SMYD3: variants seen among roughly 807,000 people sequenced by gnomAD.
SMYD3 encodes the protein histone-lysine N-methyltransferase SMYD3.
SMYD3 carries 36 observed loss-of-function variants against 57.7 expected under a neutral mutation model. The observed-to-expected ratio is 0.62, with a 90% CI of 0.48 to 0.82. SMYD3 has a LOEUF of 0.82. SMYD3 is among the 40% of genes least tolerant of loss of function. The probability of loss-of-function intolerance (pLI) is 0.00; values close to 1 mark genes in which losing one functional copy is unlikely to be tolerated. For synonymous variants in SMYD3, 211 were observed against 195.0 expected, an observed-to-expected ratio of 1.08 and a Z score of -0.68; for missense variants, 515 against 538.8, an observed-to-expected ratio of 0.96 and a Z score of 0.44.
intron 8 of SMYD3, among the ~76,000 whole-genome samples, chr1:245,877,971 C>T (rs940519603): frequency 3.3e-5 from 5 of 152,028 alleles, no homozygotes; most frequent in Admixed American, 2.0e-4. Flanking sequence ...AGGGGCAAAG[C>T]GGAGAAGTAA....
At chr1:245,791,875 T>C (rs34460545) in intron 10 of SMYD3, among the ~76,000 whole-genome samples, 21,091 of 152,012 alleles carry the variant, frequency 0.14, 1,737 homozygotes, top group East Asian at 0.22. Context: ...TCTCCTCTCA[T>C]GCTTTCTGGT....
chr1:246,059,388 G>A (rs2060211453), intron 5 of SMYD3, among the ~76,000 whole-genome samples: 1 of 152,018 alleles, frequency 6.6e-6, no homozygotes. Flanking sequence ...TATACTAACA[G>A]AAGAACTATT....
chr1:246,031,660 C>T (rs1018085862), intron 5 of SMYD3, among the ~76,000 whole-genome samples: 1 of 150,588 alleles, frequency 6.6e-6, no homozygotes, highest in Non-Finnish European at 1.5e-5. Flanking sequence ...TCGCTTGAAC[C>T]AGGGAGGCGG....
chr1:245,796,905 A>G (rs2047546128), intron 10 of SMYD3, among the ~76,000 whole-genome samples: 1 of 152,166 alleles, frequency 6.6e-6, no homozygotes, highest in African/African-American at 2.4e-5. Context: ...AAGCATCACA[A>G]TTCCAATTAG....
At chr1:246,439,712 C>T (rs1010127928) in intron 1 of SMYD3, among the ~76,000 whole-genome samples, 2 of 118,828 alleles carry the variant, frequency 1.7e-5, no homozygotes, top group East Asian at 2.4e-4. Context: ...CTCTGGTAGG[C>T]GGGGGTGGGC....
At chr1:246,332,958 C>G (rs2065483772) in intron 3 of SMYD3, among the ~76,000 whole-genome samples, 1 of 152,152 alleles carries the variant, frequency 6.6e-6, no homozygotes, top group South Asian at 2.1e-4. Context: ...ATGAAACAGC[C>G]TTATATTGGA....
At chr1:245,842,712 T>C (rs1447125547) in intron 10 of SMYD3, among the ~76,000 whole-genome samples, 3 of 152,174 alleles carry the variant, frequency 2.0e-5, no homozygotes, top group Admixed American at 6.5e-5. Flanking sequence ...TTAATTTTTA[T>C]TTTACTTTTT....
chr1:245,944,604 TACCATTG>T (rs1432872193), intron 5 of SMYD3, among the ~76,000 whole-genome samples: 2 of 152,192 alleles, frequency 1.3e-5, no homozygotes, highest in Non-Finnish European at 2.9e-5. Context: ...CCCATTAAAC[TACCATTG>T]ACATTATTCA....
At position 246,507,266 on chromosome 1, in the gene SMYD3, G is replaced by A. The variant is rs765270259; in HGVS notation, c.-49C>T. On this transcript the variant is annotated 5_prime_UTR_variant, in exon 1 of 12. Coordinates refer to ENST00000490107, the MANE Select transcript of SMYD3 (RefSeq NM_001167740.2). Reference sequence around the variant, plus strand: ...GACGGCTACCCGCGTCCAGCAGCGGGCGTCTCACGGGCTGCCGGGACCCGC... The same window carrying A: ...GACGGCTACCCGCGTCCAGCAGCGGACGTCTCACGGGCTGCCGGGACCCGC... 16 of 1,448,492 alleles carry A rather than the reference G, an allele frequency of 1.1e-5. No individual in the cohort carries two copies. The highest frequency in any genetic ancestry group is 5.5e-6 in the Non-Finnish European group (6 of 1,094,424). The allele number at this position is 1,448,492 out of a possible 1,614,324, so 89.7% of individuals were successfully genotyped here. A position where few individuals can be genotyped will look rare whatever the true frequency, so the allele number is the denominator to read the frequency against.
chr1:246,000,621 TAC>T (rs1456400461), intron 5 of SMYD3, among the ~76,000 whole-genome samples: 1 of 152,170 alleles, frequency 6.6e-6, no homozygotes, highest in African/African-American at 2.4e-5. Context: ...GACACCACCA[TAC>T]ACACAGTTCA....
intron 5 of SMYD3, among the ~76,000 whole-genome samples, chr1:245,943,025 A>G (rs562659089): frequency 1.1e-4 from 17 of 152,210 alleles, no homozygotes; most frequent in Admixed American, 5.2e-4. Flanking sequence ...GCCCACATCA[A>G]AAAGCTAGAA....
At chr1:246,273,072 C>T in intron 5 of SMYD3, among the ~76,000 whole-genome samples, 1 of 142,402 alleles carries the variant, frequency 7.0e-6, no homozygotes, top group African/African-American at 2.9e-5. Context: ...TCATACAACT[C>T]TTCCTAATGC....
At chr1:245,982,880 C>T (rs192660156) in intron 5 of SMYD3, among the ~76,000 whole-genome samples, 50 of 152,290 alleles carry the variant, frequency 3.3e-4, no homozygotes, top group Non-Finnish European at 5.9e-4. Flanking sequence ...TTACACGAAA[C>T]AAGAAACACT....
intron 5 of SMYD3, among the ~76,000 whole-genome samples, chr1:246,013,122 T>A (rs1000358328): frequency 3.9e-5 from 6 of 152,212 alleles, no homozygotes; most frequent in Non-Finnish European, 5.9e-5. Flanking sequence ...AAAAGTGCCA[T>A]GTCAAGAATT....
At chr1:246,381,878 C>T (rs891529917) in intron 1 of SMYD3, among the ~76,000 whole-genome samples, 1 of 149,978 alleles carries the variant, frequency 6.7e-6, no homozygotes. Flanking sequence ...CCAGACCCCT[C>T]CAGCTGACAC....
In SMYD3 at chr1:246,413,325, T is replaced by C. The variant is rs182616582; in HGVS notation, c.165-58231A>G. On this transcript the variant is annotated intron_variant, in intron 1 of 11. Coordinates refer to ENST00000490107, the MANE Select transcript of SMYD3 (RefSeq NM_001167740.2). ...TCCAGGAACCTGACTCCAGAACCTA[T>C]GCCCTTAATCATTAGGCGGCACTCT... Among the ~76,000 whole-genome samples the C allele has an allele frequency of 5.9e-5, 9 of 152,236 alleles. No homozygotes were observed. The East Asian group carries it at 1.7e-3, about 29-fold the overall frequency.
chr1:245,982,410 A>G (rs957149364), intron 5 of SMYD3, among the ~76,000 whole-genome samples: 1 of 152,218 alleles, frequency 6.6e-6, no homozygotes, highest in Non-Finnish European at 1.5e-5. Context: ...TACAGATGTC[A>G]GTCACTACAT....
At chr1:245,795,161 C>T (rs974087114) in intron 10 of SMYD3, among the ~76,000 whole-genome samples, 1 of 152,166 alleles carries the variant, frequency 6.6e-6, no homozygotes, top group Admixed American at 6.5e-5. Context: ...GCTCAAGGAT[C>T]CTATCCCCAG....
chr1:246,095,208 T>C lies in SMYD3; in HGVS notation c.532-165271A>G, dbSNP rs1423489199. Reference sequence around the variant, plus strand: ...TAGCACAAATACAACTTCATACTTCTTTCCTTCACAGGAAGCAAAACAATT... The same window carrying C: ...TAGCACAAATACAACTTCATACTTCCTTCCTTCACAGGAAGCAAAACAATT... On this transcript the variant is annotated intron_variant, in intron 5 of 11. Coordinates refer to ENST00000490107, the MANE Select transcript of SMYD3 (RefSeq NM_001167740.2). Among the ~76,000 whole-genome samples the C allele has an allele frequency of 3.3e-5, 5 of 152,192 alleles. No homozygotes were observed. In the East Asian group the frequency reaches 9.6e-4, roughly 29 times the overall value.
Sources: gnomAD v4.1 joint callset for allele counts (sites outside exome capture counted in the v4.1 genomes callset) on GRCh38, gnomAD v4.1.1 for gene constraint, MANE v1.5 for transcripts, NCBI Gene and HGNC (gene_info 2026-07-23, HGNC 2026-07-21) for gene names.